Variants in SAMMSON observed in about 807,000 individuals in gnomAD.
SAMMSON encodes the protein long intergenic non-protein coding RNA 1212.
intron 7 of SAMMSON, among the ~76,000 whole-genome samples, chr3:70,349,556 T>A (rs998833799): frequency 6.6e-6 from 1 of 152,160 alleles, no homozygotes; most frequent in Admixed American, 6.5e-5. Context: ...GGGGTATTGA[T>A]AAAGTCTCAG....
intron 4 of SAMMSON, among the ~76,000 whole-genome samples, chr3:70,245,636 A>G (rs998459868): frequency 1.3e-4 from 19 of 144,406 alleles, no homozygotes; most frequent in African/African-American, 4.8e-4. Context: ...AGAAATCAGA[A>G]TATGGATTCT....
chr3:70,337,078 AATATTC>A lies in SAMMSON; in HGVS notation n.740-17096_740-17091del, dbSNP rs1559566738. 1.9e-3 allele frequency among the ~76,000 whole-genome samples: 158 copies of A among 81,122 alleles called. 1 individual carries two copies. Among genetic ancestry groups the A allele is most frequent in the Non-Finnish European group, 4.0e-3 (120 of 29,882 alleles). 53.2% of individuals were successfully genotyped at this position (81,122 alleles called of 152,430 possible). A position where few individuals can be genotyped will look rare whatever the true frequency, so the allele number is the denominator to read the frequency against. ...TATTATTAATAATAATATCTAACTT[AATATTC>A]TTATTAATAATAATATCTAACTTAA... On this transcript the variant is annotated intron_variant and non_coding_transcript_variant, in intron 7 of 9. Coordinates refer to ENST00000642114, the Ensembl canonical transcript of SAMMSON.
At chr3:70,037,637 A>G (rs1033996128) in intron 3 of SAMMSON, among the ~76,000 whole-genome samples, 47 of 152,282 alleles carry the variant, frequency 3.1e-4, no homozygotes, top group African/African-American at 1.1e-3. Flanking sequence ...CCATCTCTTA[A>G]GCTAACTTGA....
chr3:70,199,421 A>G (rs1002174013), intron 4 of SAMMSON, among the ~76,000 whole-genome samples: 2 of 152,014 alleles, frequency 1.3e-5, no homozygotes, highest in African/African-American at 4.8e-5. Flanking sequence ...CCAAATTGGC[A>G]CTTGTTTCCT....
At chr3:70,079,277 AC>A (rs1244493628) in intron 4 of SAMMSON, among the ~76,000 whole-genome samples, 1 of 152,040 alleles carries the variant, frequency 6.6e-6, no homozygotes, top group Non-Finnish European at 1.5e-5. Flanking sequence ...TCTCTTCTTA[AC>A]TCTAGGTCCA....
intron 3 of SAMMSON, among the ~76,000 whole-genome samples, chr3:70,024,120 G>A (rs1443818384): frequency 6.6e-6 from 1 of 152,100 alleles, no homozygotes; most frequent in African/African-American, 2.4e-5. Flanking sequence ...TATTCTGTCT[G>A]TCTCATTTCC....
chr3:70,087,936 G>A (rs989249572), intron 4 of SAMMSON, among the ~76,000 whole-genome samples: 2 of 152,148 alleles, frequency 1.3e-5, no homozygotes, highest in African/African-American at 4.8e-5. Context: ...CAGAAACCTA[G>A]CCATTTTTTA....
chr3:70,048,133 A>G (rs1208671629), intron 3 of SAMMSON, among the ~76,000 whole-genome samples: 1 of 152,072 alleles, frequency 6.6e-6, no homozygotes, highest in Non-Finnish European at 1.5e-5. Context: ...ACATTCCACA[A>G]TTCCCTATTA....
chr3:70,247,683 A>G (rs1418867113), intron 4 of SAMMSON, among the ~76,000 whole-genome samples: 1 of 151,910 alleles, frequency 6.6e-6, no homozygotes, highest in Non-Finnish European at 1.5e-5. Flanking sequence ...CATCATTATC[A>G]TTGGTTTTGT....
intron 4 of SAMMSON, among the ~76,000 whole-genome samples, chr3:70,240,215 CAG>C (rs770658325): frequency 6.6e-6 from 1 of 151,974 alleles, no homozygotes; most frequent in Non-Finnish European, 1.5e-5. Flanking sequence ...GGCTTGGTAA[CAG>C]AGCCATCCTG....
At chr3:70,345,577 A>G (rs980178751) in intron 7 of SAMMSON, among the ~76,000 whole-genome samples, 1 of 152,156 alleles carries the variant, frequency 6.6e-6, no homozygotes, top group African/African-American at 2.4e-5. Context: ...AGTGTCATCT[A>G]TTCACCAGTA....
In SAMMSON at chr3:70,311,856, C is replaced by A. The variant is rs374844359; in HGVS notation, n.739+20613C>A. ...ATAAACAAAAGCAAAATTTTCACACCAATAGAAAATCAAGAGCAAGAAGAC... is the reference window on the plus strand; with the variant it reads ...ATAAACAAAAGCAAAATTTTCACACAAATAGAAAATCAAGAGCAAGAAGAC... On this transcript the variant is annotated intron_variant and non_coding_transcript_variant, in intron 7 of 9. Transcript: ENST00000642114. 1.0e-5 allele frequency: 4 copies of A among 397,282 alleles called. No individual in the cohort carries two copies. In the East Asian group the frequency reaches 1.4e-4, roughly 14 times the overall value. 24.6% of individuals were successfully genotyped at this position (397,282 alleles called of 1,614,324 possible).
At chr3:70,156,696 G>A (rs2067593402) in intron 4 of SAMMSON, among the ~76,000 whole-genome samples, 1 of 151,982 alleles carries the variant, frequency 6.6e-6, no homozygotes, top group South Asian at 2.1e-4. Context: ...CAGGTCTTTT[G>A]GTTGAAATTT....
chr3:70,252,553 A>C (rs1175910514), intron 6 of SAMMSON, among the ~76,000 whole-genome samples: 1 of 152,206 alleles, frequency 6.6e-6, no homozygotes, highest in Non-Finnish European at 1.5e-5. Context: ...CTAGGCAAAC[A>C]ATATAAATCA....
intron 4 of SAMMSON, chr3:70,127,831 G>T (rs1227170194): frequency 6.6e-6 from 1 of 152,152 alleles, no homozygotes; most frequent in African/African-American, 2.4e-5. Flanking sequence ...TAGTAGAGAT[G>T]AAGTTTCACC....
intron 4 of SAMMSON, among the ~76,000 whole-genome samples, chr3:70,128,060 T>G (rs889373328): frequency 6.6e-6 from 1 of 152,208 alleles, no homozygotes; most frequent in African/African-American, 2.4e-5. Flanking sequence ...GTGAATGGAA[T>G]AGCCCGCAGA....
chr3:70,253,416 G>A (rs1701787797), intron 6 of SAMMSON, among the ~76,000 whole-genome samples: 1 of 152,206 alleles, frequency 6.6e-6, no homozygotes, highest in Non-Finnish European at 1.5e-5. Context: ...TAGAATACCA[G>A]AGCCTTGGCT....
At chr3:70,146,602 A>G (rs755583090) in intron 4 of SAMMSON, among the ~76,000 whole-genome samples, 1 of 152,028 alleles carries the variant, frequency 6.6e-6, no homozygotes, top group Non-Finnish European at 1.5e-5. Flanking sequence ...TGATTCCACA[A>G]ATTTCAAAAC....
At position 70,225,836 on chromosome 3, in the gene SAMMSON, G is replaced by A. The variant is rs182546568; in HGVS notation, n.508-23271G>A. The stretch of plus-strand genomic sequence containing the variant: ...GCCATTGTTGAAATAATGTTATAAT[G>A]AGCTTTGTTTAGACAAACGTTGCTA... On this transcript the variant is annotated intron_variant and non_coding_transcript_variant, in intron 4 of 9. Transcript: ENST00000642114. 8.3e-4 allele frequency among the ~76,000 whole-genome samples: 127 copies of A among 152,318 alleles called. 1 individual carries two copies. Among genetic ancestry groups the A allele is most frequent in the African/African-American group, 2.7e-3 (111 of 41,580 alleles).
Sources: gnomAD v4.1 joint callset for allele counts (sites outside exome capture counted in the v4.1 genomes callset) on GRCh38, gnomAD v4.1.1 for gene constraint, MANE v1.5 for transcripts, NCBI Gene and HGNC (gene_info 2026-07-23, HGNC 2026-07-21) for gene names.